COL9A1: variants seen among roughly 807,000 people sequenced by gnomAD.
COL9A1 encodes the protein collagen alpha-1(IX) chain.
Under a neutral mutation model 142.6 loss-of-function variants are expected in COL9A1, and 104 were observed. The ratio of observed to expected loss-of-function variants is 0.73; its 90% CI spans 0.62 to 0.86. The LOEUF is 0.86. Ranked by LOEUF, COL9A1 falls within the 40% of genes least tolerant of loss-of-function variation. The probability of loss-of-function intolerance (pLI) is 0.00; values close to 1 mark genes in which losing one functional copy is unlikely to be tolerated. For missense variants in COL9A1, 1,210 were observed against 1,176.6 expected (o/e 1.03, Z -0.42); for synonymous variants, 466 against 396.0 (o/e 1.18, Z -2.10).
chr6:70,266,250 G>T (rs1477388724), intron 18 of COL9A1, among the ~76,000 whole-genome samples: 1 of 152,122 alleles, frequency 6.6e-6, no homozygotes, highest in African/African-American at 2.4e-5. Context: ...ATTGAAATGA[G>T]GTCAGAAATA....
chr6:70,278,937 A>T (rs2127595504), intron 10 of COL9A1, among the ~76,000 whole-genome samples: 1 of 152,344 alleles, frequency 6.6e-6, no homozygotes, highest in African/African-American at 2.4e-5. Context: ...CAAAAGCACT[A>T]TTAAATTGGG....
chr6:70,254,613 A>G, intron 24 of COL9A1, 84 bp from the exon 25 acceptor site: 1 of 1,303,118 alleles, frequency 7.7e-7, no homozygotes, highest in Non-Finnish European at 1.1e-6. Context: ...CAGACGTTTT[A>G]AGTAAAAGGA....
At chr6:70,274,632 CTTAATG>C (rs1218258629) in intron 11 of COL9A1, 81 bp downstream of exon 11, 8 of 1,103,296 alleles carry the variant, frequency 7.3e-6, no homozygotes, top group Non-Finnish European at 9.6e-6. Context: ...TACTTCATAA[CTTAATG>C]TTAGTTGGCT....
intron 7 of COL9A1, among the ~76,000 whole-genome samples, chr6:70,282,506 A>G (rs1583328931): frequency 8.8e-6 from 1 of 114,156 alleles, no homozygotes; most frequent in African/African-American, 3.4e-5. Context: ...GGAGCGGGAG[A>G]GGGAGCGTGC....
Position 70,235,489 on chromosome 6 carries a change from G to A in COL9A1, c.2113-549C>T, listed in dbSNP as rs1302563304. Among the ~76,000 whole-genome samples, 15 of 151,762 alleles carry A rather than the reference G, an allele frequency of 9.9e-5. No individual in the cohort carries two copies. In the East Asian group the frequency reaches 1.2e-3, roughly 12 times the overall value. ...TAATAATAATAATAATCTTTCTTTC[G>A]GGGATAGTTATTCTTGCAAAACGTT... is the stretch of plus-strand genomic sequence containing the variant. On this transcript the variant is annotated intron_variant, in intron 33 of 37. Transcript: ENST00000357250.
chr6:70,250,000 C>A lies in COL9A1; in HGVS notation c.1872+2120G>T, dbSNP rs142448457. 2.1e-4 allele frequency among the ~76,000 whole-genome samples: 32 copies of A among 152,310 alleles called. 2 individuals carry two copies. The highest frequency in any genetic ancestry group is 7.2e-4 in the African/African-American group (30 of 41,580). ...ATACAGCCGGGTGAGGTGGCTCACA[C>A]CTGTAATCCCAGCACTTTGGGAGGC... On this transcript the variant is annotated intron_variant, in intron 28 of 37. Coordinates refer to ENST00000357250, the MANE Select transcript of COL9A1 (RefSeq NM_001851.6).
chr6:70,238,466 A>G (rs1488165056), intron 33 of COL9A1, among the ~76,000 whole-genome samples: 1 of 152,220 alleles, frequency 6.6e-6, no homozygotes, highest in African/African-American at 2.4e-5. Context: ...ATCGTTTTCT[A>G]CTTCTAATAA....
Position 70,281,546 on chromosome 6 carries a change from C to T in COL9A1, c.802-82G>A, listed in dbSNP as rs550764186. ...GAGCGCGGTGCCCTGAAGCCCCCGC[C>T]TCCGTGGGGTAAAAGTTACCTTCCA... is the stretch of plus-strand genomic sequence containing the variant. On this transcript the variant is annotated intron_variant, in intron 7 of 37. Transcript: ENST00000357250. The T allele has an allele frequency of 1.7e-5, 18 of 1,080,004 alleles. No individual in the cohort carries two copies. The African/African-American group carries it at 2.9e-4, about 17-fold the overall frequency. 66.9% of individuals were successfully genotyped at this position (1,080,004 alleles called of 1,614,324 possible). A position where few individuals can be genotyped will look rare whatever the true frequency, so the allele number is the denominator to read the frequency against.
At chr6:70,265,911 TA>T (rs1196997141) in intron 18 of COL9A1, among the ~76,000 whole-genome samples, 1 of 152,146 alleles carries the variant, frequency 6.6e-6, no homozygotes, top group Non-Finnish European at 1.5e-5. Context: ...TTCCAAAGAA[TA>T]GACTAACCTT....
chr6:70,242,238 C>A (rs1770305663), intron 29 of COL9A1: 2 of 634,064 alleles, frequency 3.2e-6, no homozygotes, highest in Middle Eastern at 3.7e-4. Context: ...TCACTCCACC[C>A]TAAGGTCCTC....
At chr6:70,217,994 T>A (rs1768634164) in intron 37 of COL9A1, among the ~76,000 whole-genome samples, 2 of 151,978 alleles carry the variant, frequency 1.3e-5, no homozygotes, top group Admixed American at 6.6e-5. Context: ...TACAAAAAAA[T>A]TAGCCAGGTA....
chr6:70,233,360 T>C (rs1364252813), intron 35 of COL9A1, among the ~76,000 whole-genome samples: 1 of 152,138 alleles, frequency 6.6e-6, no homozygotes, highest in Non-Finnish European at 1.5e-5. Context: ...ACAACAAACA[T>C]TAAAAATAAC....
At chr6:70,274,976 G>C (rs1174460553) in intron 10 of COL9A1, 3 of 576,810 alleles carry the variant, frequency 5.2e-6, no homozygotes, top group Non-Finnish European at 9.2e-6. Flanking sequence ...ATTTCTTCTT[G>C]ATAAGTTGTA....
At chr6:70,266,914 T>C in intron 17 of COL9A1, 144 bp from the exon 18 acceptor site, 3 of 748,198 alleles carry the variant, frequency 4.0e-6, no homozygotes, top group Non-Finnish European at 7.3e-6. Context: ...ATGCCTTAAA[T>C]GACCTTAACA....
At position 70,262,952 on chromosome 6, in the gene COL9A1, C is replaced by T. The variant is rs1771784734; in HGVS notation, c.1395+292G>A. Among the ~76,000 whole-genome samples the T allele has an allele frequency of 1.3e-5, 2 of 152,096 alleles. 1 individual carries two copies. Among genetic ancestry groups the T allele is most frequent in the South Asian group, 4.1e-4 (2 of 4,832 alleles). ...ATAGAACATAAAAGATGAGTATCAT[C>T]CTTTTGTGCTTAGTATTTGCTTTTC... On this transcript the variant is annotated intron_variant, in intron 19 of 37. Transcript: ENST00000357250.
intron 6 of COL9A1, 23 bp from the exon 7 acceptor site, chr6:70,282,941 A>G (rs775961431): frequency 1.2e-6 from 2 of 1,614,034 alleles, no homozygotes; most frequent in Non-Finnish European, 1.7e-6. Flanking sequence ...AGATGGGGAG[A>G]AAGTGAGAAA....
At chr6:70,241,309 T>C (rs1770241660) in intron 31 of COL9A1, 110 bp downstream of exon 31, 2 of 900,894 alleles carry the variant, frequency 2.2e-6, no homozygotes, top group African/African-American at 3.3e-5. Context: ...TGAGAAAAAC[T>C]GTTAGCCTTC....
chr6:70,272,663 C>T (rs1001221610), intron 12 of COL9A1, among the ~76,000 whole-genome samples: 4 of 152,100 alleles, frequency 2.6e-5, no homozygotes, highest in East Asian at 1.9e-4. Flanking sequence ...TACAATGGGA[C>T]GCTAATTTAA....
intron 28 of COL9A1, among the ~76,000 whole-genome samples, chr6:70,249,872 A>G (rs1332843812): frequency 6.6e-6 from 1 of 151,796 alleles, no homozygotes; most frequent in African/African-American, 2.4e-5. Context: ...AGCTCTCCCT[A>G]CTCCATGTCA....
Sources: allele counts gnomAD v4.1 joint callset (sites outside exome capture counted in the v4.1 genomes callset), GRCh38; gene constraint gnomAD v4.1.1; transcripts MANE v1.5; gene names NCBI Gene and HGNC (gene_info 2026-07-23, HGNC 2026-07-21).